Variants in MED26 observed in about 807,000 individuals in gnomAD.
MED26 encodes mediator complex subunit 26, also known as mediator of RNA polymerase II transcription subunit 26.
Under a neutral mutation model 43.7 loss-of-function variants are expected in MED26, and 7 were observed. The observed-to-expected ratio is 0.16, with a 90% CI of 0.09 to 0.30. MED26 has a LOEUF of 0.30. Ranked by LOEUF, MED26 falls within the 10% of genes least tolerant of loss-of-function variation. MED26 has a pLI of 1.00. For synonymous variants in MED26, 375 were observed against 371.1 expected (o/e 1.01, Z -0.12); for missense variants, 784 against 840.6 (o/e 0.93, Z 0.83).
intron 1 of MED26, chr19:16,611,590 C>T (rs953372230): frequency 6.6e-6 from 1 of 152,058 alleles, no homozygotes; most frequent in Non-Finnish European, 1.5e-5. Context: ...CCAACCCATT[C>T]CCCCTGCCCC....
chr19:16,585,730 A>G (rs1375563344), intron 1 of MED26, among the ~76,000 whole-genome samples: 3 of 152,228 alleles, frequency 2.0e-5, no homozygotes, highest in Non-Finnish European at 4.4e-5. Context: ...ACTCTTCTGA[A>G]AACCCACCTA....
chr19:16,597,800 G>A (rs867439616), intron 1 of MED26, among the ~76,000 whole-genome samples: 64 of 152,260 alleles, frequency 4.2e-4, no homozygotes, highest in African/African-American at 1.4e-3. Context: ...TCAGCTCACC[G>A]CAACCTCTGC....
intron 1 of MED26, among the ~76,000 whole-genome samples, chr19:16,608,216 G>A (rs1031670750): frequency 2.0e-5 from 3 of 152,260 alleles, no homozygotes; most frequent in Non-Finnish European, 2.9e-5. Context: ...GAGCAAGCCC[G>A]TGGTGACACT....
At chr19:16,604,604 G>C (rs1179328187) in intron 1 of MED26, among the ~76,000 whole-genome samples, 1 of 152,182 alleles carries the variant, frequency 6.6e-6, no homozygotes, top group African/African-American at 2.4e-5. Context: ...CATGGGGAAG[G>C]CTGGTTCTAA....
chr19:16,578,613 C>A (rs2086026643), intron 1 of MED26: 2 of 582,490 alleles, frequency 3.4e-6, no homozygotes, highest in South Asian at 4.1e-5. Context: ...CGTCTGACCT[C>A]CTCCAGTGTG....
intron 1 of MED26, 129 bp from the exon 2 acceptor site, chr19:16,578,538 C>A (rs966965230): frequency 1.3e-6 from 1 of 797,130 alleles, no homozygotes; most frequent in Non-Finnish European, 2.0e-6. Context: ...CTGAAGCCCC[C>A]ACTCCATGTC....
chr19:16,576,787 T>C lies in MED26; in HGVS notation c.1043A>G (p.His348Arg). 6.2e-7 allele frequency: 1 copy of C among 1,608,086 alleles called. No homozygotes were observed. The highest frequency in any genetic ancestry group is 8.5e-7 in the Non-Finnish European group (1 of 1,178,802). ...GCAGCCCGGCCCCGCCAGCCGCTGGTGGCTCTCAGGCTGCTCAAGCCAGCA... is the reference window on the plus strand; with the variant it reads ...GCAGCCCGGCCCCGCCAGCCGCTGGCGGCTCTCAGGCTGCTCAAGCCAGCA... ...PVCWLEQPES[H>R]QRLAGPGCKA... The change falls in exon 3 of 3, where the codon CAC becomes CGC. Residue 348 changes from histidine (H) to arginine (R), a missense_variant. By Grantham distance (29) the His-to-Arg change is conservative. Transcript: ENST00000263390. The surrounding 1 kb of genome is among the most constrained non-coding windows in gnomAD (Gnocchi z 6.8).
At chr19:16,626,435 A>C (rs1199892864) in intron 1 of MED26, among the ~76,000 whole-genome samples, 1 of 152,200 alleles carries the variant, frequency 6.6e-6, no homozygotes, top group African/African-American at 2.4e-5. Context: ...TCCACCCCCA[A>C]AGTCATAACA....
In MED26 at chr19:16,613,089, G is replaced by A. The variant is rs760942275; in HGVS notation, c.72+14783C>T. Among the ~76,000 whole-genome samples the A allele has an allele frequency of 5.9e-5, 9 of 152,176 alleles. No homozygotes were observed. The East Asian group carries it at 1.4e-3, about 23-fold the overall frequency. On this transcript the variant is annotated intron_variant, in intron 1 of 2. Coordinates refer to ENST00000263390, the MANE Select transcript of MED26 (RefSeq NM_004831.5). The stretch of plus-strand genomic sequence containing the variant: ...TGTTTACCTTTAGTAGGATAGGGAC[G>A]TCCTCACTTTATAGAGAGTATTAAT...
chr19:16,616,144 C>T (rs907028594), intron 1 of MED26, among the ~76,000 whole-genome samples: 1 of 152,206 alleles, frequency 6.6e-6, no homozygotes, highest in Non-Finnish European at 1.5e-5. Context: ...GGGCTCTCTA[C>T]CACCAAGCCT....
chr19:16,604,655 G>A (rs890356590), intron 1 of MED26, among the ~76,000 whole-genome samples: 2 of 152,164 alleles, frequency 1.3e-5, no homozygotes, highest in African/African-American at 4.8e-5. Context: ...GGTTGCAGAA[G>A]GCCACCTTAG....
intron 1 of MED26, among the ~76,000 whole-genome samples, chr19:16,617,570 CAT>C (rs2086231951): frequency 1.3e-5 from 2 of 152,222 alleles, no homozygotes; most frequent in South Asian, 2.1e-4. Context: ...GACACACACA[CAT>C]AGTGTGGAGG....
chr19:16,576,924 C>G lies in MED26; in HGVS notation c.906G>C (p.Pro302=). 6.3e-7 allele frequency: 1 copy of G among 1,596,192 alleles called. No individual in the cohort carries two copies. The highest frequency in any genetic ancestry group is 2.2e-5 in the East Asian group (1 of 44,612). ...APKGSVPSPS[P]RPQALDATQV... ...GTGTGGCATCGAGTGCCTGGGGCCG[C>G]GGTGAGGGGCTGGGCACGGAGCCCT... The change falls in exon 3 of 3, where the codon CCG becomes CCC. Residue 302 remains proline (P), a synonymous_variant. Coordinates refer to ENST00000263390, the MANE Select transcript of MED26 (RefSeq NM_004831.5). The surrounding 1 kb of genome is among the most constrained non-coding windows in gnomAD (Gnocchi z 6.8).
intron 1 of MED26, among the ~76,000 whole-genome samples, chr19:16,598,549 C>T (rs771831230): frequency 2.0e-5 from 3 of 152,104 alleles, no homozygotes; most frequent in African/African-American, 4.8e-5. Context: ...AACTGCCCCA[C>T]TTGGCATCCA....
intron 1 of MED26, among the ~76,000 whole-genome samples, chr19:16,623,728 C>T (rs182137403): frequency 1.3e-5 from 2 of 152,294 alleles, no homozygotes; most frequent in South Asian, 2.1e-4. Context: ...AAAAATGCTG[C>T]CCCCTCGTGC....
chr19:16,609,919 GT>G (rs1271109235), intron 1 of MED26, among the ~76,000 whole-genome samples: 1 of 108,986 alleles, frequency 9.2e-6, no homozygotes, highest in Non-Finnish European at 1.8e-5. Context: ...TAAAAGTTAT[GT>G]TCTTGGACAC....
In MED26 at chr19:16,576,481, T is replaced by A. The variant is rs775413029; in HGVS notation, c.1349A>T (p.His450Leu). The A allele has an allele frequency of 6.2e-7, 1 of 1,614,210 alleles. No individual in the cohort carries two copies. Among genetic ancestry groups the A allele is most frequent in the Non-Finnish European group, 8.5e-7 (1 of 1,180,038 alleles). Reference sequence around the variant, plus strand: ...CTCTGTCCTGGACTGCTGCTCCATGTGCACAGGGCTGTCTGCCCGCACTGG... The same window carrying A: ...CTCTGTCCTGGACTGCTGCTCCATGAGCACAGGGCTGTCTGCCCGCACTGG... ...KEPVRADSPVHMEQQSRTELD... is the reference protein window; with the variant it reads ...KEPVRADSPVLMEQQSRTELD... Residue 450 changes from histidine to leucine, a missense_variant, in exon 3 of 3, where the codon CAC becomes CTC. Transcript: ENST00000263390. The surrounding 1 kb of genome is among the most constrained non-coding windows in gnomAD (Gnocchi z 6.8).
intron 2 of MED26, 37 bp downstream of exon 2, chr19:16,578,298 T>C: frequency 1.3e-6 from 2 of 1,594,160 alleles, no homozygotes; most frequent in Non-Finnish European, 1.7e-6. Flanking sequence ...CTGCCCCCCG[T>C]TCTGCCCTCC....
At position 16,577,090 on chromosome 19, in the gene MED26, G is replaced by C; in HGVS notation, c.740C>G (p.Ala247Gly). Reference sequence around the variant, plus strand: ...CCTGTCCAGCTGCTGCAGCACCGAAGCCTTTGGCTGCAAGCAGGGTCCAGG... The same window carrying C: ...CCTGTCCAGCTGCTGCAGCACCGAACCCTTTGGCTGCAAGCAGGGTCCAGG... ...KPPGPCLQPK[A>G]SVLQQLDRVD... The change falls in exon 3 of 3, where the codon GCT becomes GGT. Residue 247 changes from alanine (A) to glycine (G), a missense_variant. Physicochemically the swap from Ala to Gly is moderately conservative, Grantham distance 60. Around this residue, in one of 3 missense-constraint regions of MED26, gnomAD observed 719 missense variants for 730.9 expected, o/e 0.98. Transcript: ENST00000263390. This position sits in a 1 kb window ranked among gnomAD's most constrained non-coding sequence, Gnocchi z 8.1. The C allele has an allele frequency of 1.2e-6, 2 of 1,609,952 alleles. No homozygotes were observed. The highest frequency in any genetic ancestry group is 1.7e-6 in the Non-Finnish European group (2 of 1,177,210).
Sources: gnomAD v4.1 joint callset for allele counts (sites outside exome capture counted in the v4.1 genomes callset) on GRCh38, gnomAD v4.1.1 for gene constraint, gnomAD v4.1.1 regional missense constraint, Gnocchi (gnomAD v3.1) non-coding constraint, MANE v1.5 for transcripts, NCBI Gene and HGNC (gene_info 2026-07-23, HGNC 2026-07-21) for gene names.